The following RAP1B variants were observed in gnomAD, a reference collection of about 807,000 sequenced individuals.
The protein encoded by RAP1B is ras-related protein Rap-1b.
A neutral mutation model predicts 27.5 loss-of-function variants in RAP1B; 1 was observed. The observed-to-expected ratio is 0.04, with a 90% CI of 0.01 to 0.17. RAP1B has a LOEUF of 0.17. Ranked by LOEUF, RAP1B falls within the 10% of genes least tolerant of loss-of-function variation. RAP1B has a pLI of 1.00. For missense variants in RAP1B, 84 were observed against 214.8 expected (o/e 0.39, Z 3.81); for synonymous variants, 75 against 73.1 (o/e 1.03, Z -0.13).
chr12:68,663,160 T>C lies in RAP1B; in HGVS notation c.*3911T>C, dbSNP rs1874697754. ...CTCACCCCAACCTCTGCCTCCCAGG[T>C]TCAAGCAATTCTTCTGCCTCAGCCT... On this transcript the variant is annotated 3_prime_UTR_variant, in exon 8 of 8. Coordinates refer to ENST00000250559, the MANE Select transcript of RAP1B (RefSeq NM_001010942.3). 6.6e-6 allele frequency: 1 copy of C among 151,754 alleles called. No individual in the cohort carries two copies. The allele number at this position is 151,754 out of a possible 1,614,324, so 9.4% of individuals were successfully genotyped here.
Position 68,668,808 on chromosome 12 carries a change from AT to A in RAP1B, c.*9562del, listed in dbSNP as rs1224037410. On this transcript the variant is annotated 3_prime_UTR_variant, in exon 8 of 8. Transcript: ENST00000250559. ...TGGCTTGATACTGCTTGAAAGTGACATTTCTAGATTAAAGATCTGATAAGCT... is the reference window on the plus strand; with the variant it reads ...TGGCTTGATACTGCTTGAAAGTGACATTCTAGATTAAAGATCTGATAAGCT... The A allele has an allele frequency of 2.0e-5, 3 of 152,170 alleles. No individual in the cohort carries two copies. The highest frequency in any genetic ancestry group is 4.4e-5 in the Non-Finnish European group (3 of 68,022). 9.4% of individuals were successfully genotyped at this position (152,170 alleles called of 1,614,324 possible). A position where few individuals can be genotyped will look rare whatever the true frequency, so the allele number is the denominator to read the frequency against.
chr12:68,655,925 T>C (rs1238588015), intron 5 of RAP1B, among the ~76,000 whole-genome samples: 1 of 152,228 alleles, frequency 6.6e-6, no homozygotes, highest in Non-Finnish European at 1.5e-5. Flanking sequence ...TTAAGGTTTT[T>C]TCCCCCCATC....
At chr12:68,655,156 T>TAA (rs968806114) in intron 5 of RAP1B, among the ~76,000 whole-genome samples, 2 of 146,968 alleles carry the variant, frequency 1.4e-5, no homozygotes, top group Non-Finnish European at 3.0e-5. Flanking sequence ...ACCAGAAATT[T>TAA]AAAAAAAAAA....
intron 1 of RAP1B, among the ~76,000 whole-genome samples, chr12:68,637,353 T>C (rs1445942570): frequency 6.6e-6 from 1 of 152,036 alleles, no homozygotes; most frequent in African/African-American, 2.4e-5. Flanking sequence ...ATCCCAGCAC[T>C]TTGGGAGGCC....
At position 68,661,162 on chromosome 12, in the gene RAP1B, G is replaced by C. The variant is rs2135976565; in HGVS notation, c.*1913G>C. ...GCTGTTTGAATGATACATTTTTAAAGGCTTTCATGTTAAGAAAAAGTCTGA... is the reference window on the plus strand; with the variant it reads ...GCTGTTTGAATGATACATTTTTAAACGCTTTCATGTTAAGAAAAAGTCTGA... On this transcript the variant is annotated 3_prime_UTR_variant, in exon 8 of 8. Coordinates refer to ENST00000250559, the MANE Select transcript of RAP1B (RefSeq NM_001010942.3). 6.6e-6 allele frequency: 1 copy of C among 152,150 alleles called. No individual in the cohort carries two copies. Among genetic ancestry groups the C allele is most frequent in the South Asian group, 2.1e-4 (1 of 4,822 alleles). The allele number at this position is 152,150 out of a possible 1,614,324, so 9.4% of individuals were successfully genotyped here.
intron 1 of RAP1B, among the ~76,000 whole-genome samples, chr12:68,635,561 T>C (rs754947689): frequency 8.5e-5 from 13 of 152,070 alleles, no homozygotes; most frequent in Non-Finnish European, 1.8e-4. Flanking sequence ...GTACAAGCAA[T>C]TCTCCTGCCT....
At chr12:68,630,977 G>A (rs1039775688) in intron 1 of RAP1B, among the ~76,000 whole-genome samples, 5 of 151,800 alleles carry the variant, frequency 3.3e-5, no homozygotes, top group African/African-American at 1.2e-4. Context: ...ACTTTTTTGA[G>A]GGAAAAATGG....
intron 4 of RAP1B, 61 bp downstream of exon 4, chr12:68,652,112 C>G: frequency 2.4e-6 from 3 of 1,260,924 alleles, no homozygotes; most frequent in Non-Finnish European, 3.4e-6. Context: ...TTCATAAATG[C>G]TAGTACTCTA....
Position 68,665,213 on chromosome 12 carries a change from A to G in RAP1B, c.*5964A>G, listed in dbSNP as rs1394228478. 6.6e-6 allele frequency: 1 copy of G among 152,266 alleles called. No individual in the cohort carries two copies. The highest frequency in any genetic ancestry group is 2.4e-5 in the African/African-American group (1 of 41,464). The allele number at this position is 152,266 out of a possible 1,614,324, so 9.4% of individuals were successfully genotyped here. A position where few individuals can be genotyped will look rare whatever the true frequency, so the allele number is the denominator to read the frequency against. ...GTTATGGGGAGACCTCTACTGTTCT[A>G]AATGAGACTAATAGTAAATGTTACA... is the stretch of plus-strand genomic sequence containing the variant. On this transcript the variant is annotated 3_prime_UTR_variant, in exon 8 of 8. Coordinates refer to ENST00000250559, the MANE Select transcript of RAP1B (RefSeq NM_001010942.3).
chr12:68,613,621 C>G (rs1454291979), intron 1 of RAP1B, among the ~76,000 whole-genome samples: 1 of 152,188 alleles, frequency 6.6e-6, no homozygotes, highest in Non-Finnish European at 1.5e-5. Context: ...TTGCAATAGA[C>G]ATTCAACACC....
chr12:68,621,191 A>G (rs1299775922), intron 1 of RAP1B, among the ~76,000 whole-genome samples: 1 of 152,198 alleles, frequency 6.6e-6, no homozygotes, highest in African/African-American at 2.4e-5. Flanking sequence ...TCCTGCCTGC[A>G]TGTGCTAATC....
rs911222359 is a variant in RAP1B, at chr12:68,665,150, A to C, written c.*5901A>C. 2.6e-5 allele frequency: 4 copies of C among 152,300 alleles called. No individual in the cohort carries two copies. Among genetic ancestry groups the C allele is most frequent in the Non-Finnish European group, 4.4e-5 (3 of 68,086 alleles). 9.4% of individuals were successfully genotyped at this position (152,300 alleles called of 1,614,324 possible). A position where few individuals can be genotyped will look rare whatever the true frequency, so the allele number is the denominator to read the frequency against. Reference sequence around the variant, plus strand: ...TGACAAAAGTATCTTTCCCTACTGGAAATGGAATAGAATCGGATGGGTATG... The same window carrying C: ...TGACAAAAGTATCTTTCCCTACTGGCAATGGAATAGAATCGGATGGGTATG... On this transcript the variant is annotated 3_prime_UTR_variant, in exon 8 of 8. Coordinates refer to ENST00000250559, the MANE Select transcript of RAP1B (RefSeq NM_001010942.3).
intron 1 of RAP1B, 68 bp from the exon 2 acceptor site, chr12:68,648,631 A>G (rs1304828077): frequency 8.1e-7 from 1 of 1,237,990 alleles, no homozygotes; most frequent in Non-Finnish European, 1.1e-6. Flanking sequence ...TGAATGTTTT[A>G]TTTCTGTGAA....
intron 4 of RAP1B, 43 bp downstream of exon 4, chr12:68,652,094 G>C (rs748110328): frequency 7.0e-7 from 1 of 1,424,210 alleles, no homozygotes; most frequent in Non-Finnish European, 9.8e-7. Context: ...CGTTTGTACA[G>C]TATTGACTTC....
intron 6 of RAP1B, 179 bp downstream of exon 6, chr12:68,656,628 C>T (rs763331992): frequency 1.6e-5 from 10 of 635,062 alleles, no homozygotes; most frequent in East Asian, 8.3e-5. Flanking sequence ...CTATTTCAGT[C>T]TCTATTAAAT....
At chr12:68,631,755 C>T (rs1283939656) in intron 1 of RAP1B, among the ~76,000 whole-genome samples, 1 of 152,000 alleles carries the variant, frequency 6.6e-6, no homozygotes, top group Non-Finnish European at 1.5e-5. Context: ...TTCTGAACTC[C>T]CATAGTATTT....
chr12:68,645,431 G>A (rs905206915), intron 1 of RAP1B, among the ~76,000 whole-genome samples: 2 of 152,210 alleles, frequency 1.3e-5, no homozygotes, highest in Non-Finnish European at 2.9e-5. Context: ...AAAATCTGAT[G>A]TAACTATTCC....
At chr12:68,617,027 C>T (rs1395533629) in intron 1 of RAP1B, among the ~76,000 whole-genome samples, 2 of 152,068 alleles carry the variant, frequency 1.3e-5, no homozygotes, top group East Asian at 1.9e-4. Flanking sequence ...GTGAAAGCTT[C>T]TGGAAAGGAA....
At chr12:68,642,922 T>G in intron 1 of RAP1B, 1 of 927,200 alleles carries the variant, frequency 1.1e-6, no homozygotes, top group Non-Finnish European at 1.8e-6. Context: ...CAATGGCCTT[T>G]TGGTTCTGGG....
Sources: allele counts gnomAD v4.1 joint callset (sites outside exome capture counted in the v4.1 genomes callset), GRCh38; gene constraint gnomAD v4.1.1; transcripts MANE v1.5; gene names NCBI Gene and HGNC (gene_info 2026-07-23, HGNC 2026-07-21).